The following FAM83B variants were observed in gnomAD, a reference collection of about 807,000 sequenced individuals.
FAM83B encodes protein FAM83B.
In FAM83B, 26 loss-of-function variants were observed where a neutral mutation model predicts 38.8. That is an observed-to-expected ratio of 0.67 (90% CI 0.49 to 0.93). The LOEUF is 0.93. FAM83B is among the 40% of genes least tolerant of loss of function. The pLI is 0.00. For synonymous variants in FAM83B, 419 were observed against 423.1 expected (o/e 0.99, Z 0.12); for missense variants, 1,237 against 1,197.3 (o/e 1.03, Z -0.49).
intron 2 of FAM83B, among the ~76,000 whole-genome samples, chr6:54,872,138 C>G (rs1442482050): frequency 6.6e-6 from 1 of 152,088 alleles, no homozygotes; most frequent in Non-Finnish European, 1.5e-5. Flanking sequence ...GTATTAATTC[C>G]TTTAACAGTA....
intron 2 of FAM83B, among the ~76,000 whole-genome samples, chr6:54,914,347 C>A (rs1310145528): frequency 6.6e-6 from 1 of 152,004 alleles, no homozygotes; most frequent in African/African-American, 2.4e-5. Context: ...TAAAAAATAA[C>A]CTATTTATTT....
chr6:54,898,877 C>T (rs1772595695), intron 2 of FAM83B, among the ~76,000 whole-genome samples: 1 of 152,120 alleles, frequency 6.6e-6, no homozygotes, highest in African/African-American at 2.4e-5. Flanking sequence ...CTGGTGGTCT[C>T]TTGCAGTGTT....
chr6:54,924,450 C>T (rs778806322), intron 2 of FAM83B, among the ~76,000 whole-genome samples: 1 of 150,654 alleles, frequency 6.6e-6, no homozygotes, highest in African/African-American at 2.4e-5. Context: ...GTATCTGCCC[C>T]GATTCTCTCT....
At chr6:54,921,923 G>A (rs745759883) in intron 2 of FAM83B, among the ~76,000 whole-genome samples, 5 of 151,894 alleles carry the variant, frequency 3.3e-5, no homozygotes, top group Non-Finnish European at 5.9e-5. Flanking sequence ...TTTGCCTTTT[G>A]CAGCATAGCT....
At chr6:54,879,127 C>T (rs902438184) in intron 2 of FAM83B, among the ~76,000 whole-genome samples, 4 of 152,170 alleles carry the variant, frequency 2.6e-5, no homozygotes, top group Non-Finnish European at 4.4e-5. Flanking sequence ...TTCACCATAG[C>T]CTTTGGATGG....
intron 2 of FAM83B, among the ~76,000 whole-genome samples, chr6:54,890,169 A>G (rs1440672209): frequency 2.0e-5 from 3 of 152,072 alleles, no homozygotes; most frequent in Admixed American, 6.6e-5. Context: ...TTTTGAGTAT[A>G]TGTTCATTTA....
chr6:54,857,287 C>A (rs1771467035), intron 1 of FAM83B, among the ~76,000 whole-genome samples: 1 of 152,120 alleles, frequency 6.6e-6, no homozygotes, highest in Admixed American at 6.6e-5. Context: ...ACTTTATTGG[C>A]CTTAAATAGA....
At chr6:54,849,193 T>G (rs540775307) in intron 1 of FAM83B, among the ~76,000 whole-genome samples, 1 of 152,202 alleles carries the variant, frequency 6.6e-6, no homozygotes, top group East Asian at 1.9e-4. Context: ...CAAATAGCAC[T>G]TAAACTCCAT....
Position 54,870,183 on chromosome 6 carries a change from C to A in FAM83B, c.-60-4C>A. ...ATCTTGATTTTCTTCTTTTCAAATA[C>A]CAGATACTTCTCACCACTGCATGAA... On this transcript the variant is annotated splice_region_variant and splice_polypyrimidine_tract_variant and intron_variant, in intron 1 of 4. Coordinates refer to ENST00000306858, the MANE Select transcript of FAM83B (RefSeq NM_001010872.3). 8.2e-7 allele frequency: 1 copy of A among 1,226,490 alleles called. No individual in the cohort carries two copies. The highest frequency in any genetic ancestry group is 1.2e-6 in the Non-Finnish European group (1 of 861,774). 76.0% of individuals were successfully genotyped at this position (1,226,490 alleles called of 1,614,324 possible).
intron 1 of FAM83B, 104 bp from the exon 2 acceptor site, chr6:54,870,083 G>T: frequency 1.7e-6 from 1 of 583,142 alleles, no homozygotes; most frequent in Non-Finnish European, 3.0e-6. Context: ...TGAGCTTCTG[G>T]TAATGGAAAT....
chr6:54,871,572 A>ATAG lies in FAM83B; in HGVS notation c.444+884_444+885insGTA, dbSNP rs1310433606. On this transcript the variant is annotated intron_variant, in intron 2 of 4. Coordinates refer to ENST00000306858, the MANE Select transcript of FAM83B (RefSeq NM_001010872.3). The stretch of plus-strand genomic sequence containing the variant: ...CGTCTCTACAATAATAATAATAATA[A>ATAG]TAATAATAATAATAATAATAATAAG... Among the ~76,000 whole-genome samples the ATAG allele has an allele frequency of 7.6e-5, 11 of 145,216 alleles. No individual in the cohort carries two copies. The Admixed American group carries it at 7.6e-4, about 10-fold the overall frequency.
rs537048989 is a variant in FAM83B, at chr6:54,859,147, G to A, written c.-60-11040G>A. On this transcript the variant is annotated intron_variant, in intron 1 of 4. Transcript: ENST00000306858. ...GTGATCTCAGCTCACTGCAACCTCC[G>A]CCTCCCGGGTTCAAGCGATTCTCCC... Among the ~76,000 whole-genome samples the A allele has an allele frequency of 2.7e-5, 4 of 149,534 alleles. No homozygotes were observed. The South Asian group carries it at 6.5e-4, about 24-fold the overall frequency.
intron 1 of FAM83B, among the ~76,000 whole-genome samples, chr6:54,853,390 G>C (rs1771360206): frequency 6.6e-6 from 1 of 152,136 alleles, no homozygotes; most frequent in Admixed American, 6.5e-5. Flanking sequence ...GCTAGAGAGG[G>C]GAAGTCAATG....
At chr6:54,918,655 T>C (rs1773100466) in intron 2 of FAM83B, among the ~76,000 whole-genome samples, 1 of 151,950 alleles carries the variant, frequency 6.6e-6, no homozygotes. Context: ...TTCAATTACC[T>C]CCCACCAAGT....
At chr6:54,876,878 T>A (rs1164352420) in intron 2 of FAM83B, among the ~76,000 whole-genome samples, 1 of 152,202 alleles carries the variant, frequency 6.6e-6, no homozygotes, top group African/African-American at 2.4e-5. Flanking sequence ...TTATTTTTTG[T>A]GATTGTTTAT....
At chr6:54,922,891 C>T (rs1310960423) in intron 2 of FAM83B, among the ~76,000 whole-genome samples, 3 of 151,934 alleles carry the variant, frequency 2.0e-5, no homozygotes, top group African/African-American at 7.2e-5. Flanking sequence ...CATTTCTTTA[C>T]AATTTTTGTT....
intron 1 of FAM83B, among the ~76,000 whole-genome samples, chr6:54,851,439 A>G (rs1226064174): frequency 6.6e-6 from 1 of 151,476 alleles, no homozygotes; most frequent in Admixed American, 6.6e-5. Flanking sequence ...CTGTTGAACT[A>G]CCTATTTATT....
At chr6:54,887,043 G>T (rs1267500038) in intron 2 of FAM83B, among the ~76,000 whole-genome samples, 1 of 152,026 alleles carries the variant, frequency 6.6e-6, no homozygotes, top group African/African-American at 2.4e-5. Flanking sequence ...GAATTATACT[G>T]TGATCAGATA....
At chr6:54,937,820 A>G (rs571070260) in intron 4 of FAM83B, among the ~76,000 whole-genome samples, 6 of 152,244 alleles carry the variant, frequency 3.9e-5, no homozygotes, top group Non-Finnish European at 7.4e-5. Flanking sequence ...TTTTTATGCC[A>G]CGAAGTTTTG....
Sources: gnomAD v4.1 joint callset for allele counts (sites outside exome capture counted in the v4.1 genomes callset) on GRCh38, gnomAD v4.1.1 for gene constraint, MANE v1.5 for transcripts, NCBI Gene and HGNC (gene_info 2026-07-23, HGNC 2026-07-21) for gene names.